The following COPA variants were observed in gnomAD, a reference collection of about 807,000 sequenced individuals.
COPA encodes coat protein complex I subunit alpha.
In COPA, 10 loss-of-function variants were observed where a neutral mutation model predicts 158.7. The observed-to-expected ratio is 0.06, with a 90% CI of 0.04 to 0.11. COPA has a LOEUF of 0.11. COPA is among the 10% of genes least tolerant of loss of function. The pLI is 1.00. For missense variants in COPA, 1,065 were observed against 1,536.7 expected, an observed-to-expected ratio of 0.69 and a Z score of 5.13; for synonymous variants, 462 against 542.8, an observed-to-expected ratio of 0.85 and a Z score of 2.07.
chr1:160,319,556 C>A (rs945953455), intron 8 of COPA, among the ~76,000 whole-genome samples: 1 of 149,776 alleles, frequency 6.7e-6, no homozygotes, highest in Non-Finnish European at 1.5e-5. Context: ...ATTTACAGAA[C>A]ATTTCACCCA....
chr1:160,311,608 C>A (rs1275115739), intron 11 of COPA, among the ~76,000 whole-genome samples: 2 of 151,378 alleles, frequency 1.3e-5, no homozygotes, highest in Admixed American at 6.6e-5. Flanking sequence ...ATTAGCCAGG[C>A]GTGGTGGCGG....
At chr1:160,313,732 T>A (rs1659048934) in intron 9 of COPA, among the ~76,000 whole-genome samples, 1 of 152,102 alleles carries the variant, frequency 6.6e-6, no homozygotes, top group Non-Finnish European at 1.5e-5. Flanking sequence ...ATTTCTTACT[T>A]CTCTAGCTAC....
rs530092667 is a variant in COPA, at chr1:160,293,111, T to C, written c.2823+55A>G. On this transcript the variant is annotated intron_variant, in intron 27 of 32. Transcript: ENST00000241704. ...TCCCTTGATTAAAATGAGTCAACCA[T>C]CTCCCGGGGACCCTGGGCTAGGCAC... 4 of 1,539,394 alleles carry C rather than the reference T, an allele frequency of 2.6e-6. No homozygotes were observed. The Admixed American group carries it at 5.3e-5, about 20-fold the overall frequency.
chr1:160,310,340 T>C (rs2101842328), intron 11 of COPA, 82 bp from the exon 12 acceptor site: 2 of 738,024 alleles, frequency 2.7e-6, no homozygotes, highest in Non-Finnish European at 4.5e-6. Context: ...CCACACCTCC[T>C]ACTTATCCAA....
chr1:160,338,183 T>C (rs1418039949), intron 3 of COPA, among the ~76,000 whole-genome samples: 1 of 152,248 alleles, frequency 6.6e-6, no homozygotes, highest in African/African-American at 2.4e-5. Context: ...TAACCATTCT[T>C]GATACTCAAT....
At chr1:160,310,872 G>A (rs993479627) in intron 11 of COPA, among the ~76,000 whole-genome samples, 12 of 152,148 alleles carry the variant, frequency 7.9e-5, no homozygotes, top group African/African-American at 2.9e-4. Context: ...AGGCAAGGGA[G>A]AGTTAAAGAA....
chr1:160,342,981 C>G, intron 1 of COPA, 150 bp downstream of exon 1: 2 of 939,564 alleles, frequency 2.1e-6, no homozygotes, highest in Non-Finnish European at 3.4e-6. Flanking sequence ...GAACCGCTAG[C>G]CAGGCCCAAC....
intron 1 of COPA, 105 bp downstream of exon 1, chr1:160,343,026 C>G (rs2101884802): frequency 7.2e-7 from 1 of 1,380,468 alleles, no homozygotes; most frequent in Non-Finnish European, 1.0e-6. Context: ...CCGGGTCCGT[C>G]TGGTGGGCCC....
intron 6 of COPA, among the ~76,000 whole-genome samples, chr1:160,327,272 C>T (rs1186522534): frequency 1.3e-5 from 2 of 152,228 alleles, no homozygotes; most frequent in Non-Finnish European, 2.9e-5. Context: ...CGCAGTGGCT[C>T]ACGCCTGTAA....
At position 160,305,515 on chromosome 1, in the gene COPA, G is replaced by A. The variant is rs767740500; in HGVS notation, c.1585C>T (p.Arg529Cys). The A allele has an allele frequency of 6.2e-6, 10 of 1,614,012 alleles. No individual in the cohort carries two copies. The highest frequency in any genetic ancestry group is 2.2e-5 in the East Asian group (1 of 44,894). Residue 529 changes from arginine (R) to cysteine (C), a missense_variant, in exon 17 of 33, where the codon CGT (arginine) becomes TGT (cysteine). Around this residue, in one of 2 missense-constraint regions of COPA, gnomAD observed 980 missense variants for 1,357.8 expected, o/e 0.72. Coordinates refer to ENST00000241704, the MANE Select transcript of COPA (RefSeq NM_004371.4). ...DALCNIHENI[R>C]VKSGAWDESG... ...TCATCCCAGGCCCCACTCTTGACAC[G>A]AATGTTCTCATGAATGTTACATAAA... is the stretch of plus-strand genomic sequence containing the variant.
At chr1:160,308,086 T>C (rs939853003) in intron 13 of COPA, among the ~76,000 whole-genome samples, 1 of 152,060 alleles carries the variant, frequency 6.6e-6, no homozygotes, top group Non-Finnish European at 1.5e-5. Context: ...TCCTTTATTA[T>C]TATCTCCCTC....
At chr1:160,299,044 GAAAA>G in intron 18 of COPA, 53 bp from the exon 19 acceptor site, 1 of 1,172,602 alleles carries the variant, frequency 8.5e-7, no homozygotes, top group Non-Finnish European at 1.2e-6. Context: ...TACAGGAAAA[GAAAA>G]AAAAAAAGAG....
rs1027116308 is a variant in COPA at position 160,292,305 on chromosome 1, A to G, written c.2961-107T>C. The G allele has an allele frequency of 5.2e-6, 8 of 1,552,140 alleles. No individual in the cohort carries two copies. In the African/African-American group the frequency reaches 1.1e-4, roughly 21 times the overall value. On this transcript the variant is annotated intron_variant, in intron 28 of 32. Transcript: ENST00000241704. ...TAGCTACCCTCCTGTCTCCTGTTAA[A>G]GTAGCTGGGGAAGAGGATGACAGCA... is the stretch of plus-strand genomic sequence containing the variant.
intron 31 of COPA, among the ~76,000 whole-genome samples, chr1:160,290,958 A>G (rs111296093): frequency 0.025 from 3,862 of 152,280 alleles, 50 homozygotes; most frequent in Middle Eastern, 0.037. Flanking sequence ...GGTCCTAGAA[A>G]GGGTTAAAAC....
At chr1:160,302,868 T>C (rs577539332) in intron 17 of COPA, among the ~76,000 whole-genome samples, 121 of 152,138 alleles carry the variant, frequency 8.0e-4, no homozygotes, top group Non-Finnish European at 1.2e-3. Flanking sequence ...ATTTCACAAG[T>C]TACTTTAAAA....
chr1:160,320,792 TAAAAAAA>T (rs143294298), intron 8 of COPA, among the ~76,000 whole-genome samples: 2 of 89,204 alleles, frequency 2.2e-5, no homozygotes, highest in African/African-American at 7.9e-5. Flanking sequence ...TTCAAACTCT[TAAAAAAA>T]AAAAAAAAAA....
In COPA at chr1:160,311,701, C is replaced by T. The variant is rs138033431; in HGVS notation, c.1076+167G>A. Reference sequence around the variant, plus strand: ...GGCGGAGCTTGCAGTGAGCCGAGATCGCGCCACTGCACTCCAGCCTGGGCG... The same window carrying T: ...GGCGGAGCTTGCAGTGAGCCGAGATTGCGCCACTGCACTCCAGCCTGGGCG... On this transcript the variant is annotated intron_variant, in intron 11 of 32. Transcript: ENST00000241704. 4.8e-4 allele frequency among the ~76,000 whole-genome samples: 72 copies of T among 151,000 alleles called. 1 individual carries two copies. The East Asian group carries it at 0.014, about 29-fold the overall frequency.
intron 13 of COPA, among the ~76,000 whole-genome samples, chr1:160,308,456 G>A (rs142301369): frequency 9.2e-5 from 14 of 152,274 alleles, no homozygotes; most frequent in African/African-American, 3.4e-4. Flanking sequence ...GTAAGAGTGG[G>A]GATCTGCAGA....
At position 160,323,535 on chromosome 1, in the gene COPA, A is replaced by C. The variant is rs1167456164; in HGVS notation, c.607-5T>G. The C allele has an allele frequency of 3.1e-6, 5 of 1,604,630 alleles. No individual in the cohort carries two copies. The East Asian group carries it at 1.1e-4, about 36-fold the overall frequency. On this transcript the variant is annotated splice_polypyrimidine_tract_variant and splice_region_variant and intron_variant, in intron 7 of 32. Transcript: ENST00000241704. ...GTTTACTCCACGATCGTGACCCTGT[A>C]GAAAAGAGTGGTTCTTCTAAAACAT... is the stretch of plus-strand genomic sequence containing the variant.
Sources: allele counts gnomAD v4.1 joint callset (sites outside exome capture counted in the v4.1 genomes callset), GRCh38; gene constraint gnomAD v4.1.1; regional missense constraint gnomAD v4.1.1; transcripts MANE v1.5; gene names NCBI Gene and HGNC (gene_info 2026-07-23, HGNC 2026-07-21).